The following DUT variants were observed in gnomAD, a reference collection of about 807,000 sequenced individuals.
DUT encodes deoxyuridine triphosphatase.
A neutral mutation model predicts 28.8 loss-of-function variants in DUT; 21 were observed. That is an observed-to-expected ratio of 0.73 (90% CI 0.52 to 1.05). The LOEUF (loss-of-function observed/expected upper bound fraction) is 1.05. Among genes scored for constraint, DUT ranks in the 50% least tolerant of loss-of-function variants. The pLI is 0.00. For synonymous variants in DUT, 147 were observed against 143.7 expected, an observed-to-expected ratio of 1.02 and a Z score of -0.17; for missense variants, 344 against 351.8, an observed-to-expected ratio of 0.98 and a Z score of 0.18.
intron 4 of DUT, among the ~76,000 whole-genome samples, chr15:48,339,325 T>C (rs1219596343): frequency 6.6e-6 from 1 of 152,180 alleles, no homozygotes; most frequent in Non-Finnish European, 1.5e-5. Flanking sequence ...GTTTTAGTTA[T>C]TTAAAAATTT....
At position 48,331,669 on chromosome 15, in the gene DUT, G is replaced by T. The variant is rs2042411611; in HGVS notation, c.154G>T (p.Gly52Trp). The T allele has an allele frequency of 1.3e-6, 2 of 1,534,750 alleles. No individual in the cohort carries two copies. Among genetic ancestry groups the T allele is most frequent in the Non-Finnish European group, 1.8e-6 (2 of 1,140,626 alleles). Residue 52 changes from glycine to tryptophan, a missense_variant, in exon 1 of 7, where the codon GGG (glycine) becomes TGG (tryptophan). Physicochemically the swap from Gly to Trp is radical, Grantham distance 184. Coordinates refer to ENST00000331200, the MANE Select transcript of DUT (RefSeq NM_001025248.2). ...GPPLGRAAQH[G>W]IPRPLSSAGR... ...GCCCCTCGGCCGCGCCGCGCAGCAC[G>T]GGATTCCCCGGCCGCTGTCCAGCGC...
At chr15:48,339,196 A>C (rs993434932) in intron 4 of DUT, among the ~76,000 whole-genome samples, 2 of 152,222 alleles carry the variant, frequency 1.3e-5, no homozygotes, top group Non-Finnish European at 2.9e-5. Flanking sequence ...TACATATATT[A>C]ATCTCAAAGG....
Position 48,331,798 on chromosome 15 carries a change from A to T in DUT, c.280+3A>T. On this transcript the variant is annotated splice_donor_region_variant and intron_variant, in intron 1 of 6. Transcript: ENST00000331200. ...GGGAAGCCCGGCGCCGGGGCCGGGT[A>T]GGAAAGGCGGGGGAGGGGCTCCGGC... 7.4e-7 allele frequency: 1 copy of T among 1,343,514 alleles called. No individual in the cohort carries two copies. The highest frequency in any genetic ancestry group is 9.5e-7 in the Non-Finnish European group (1 of 1,051,390). 83.2% of individuals were successfully genotyped at this position (1,343,514 alleles called of 1,614,324 possible).
chr15:48,339,544 T>G (rs1484219232), intron 4 of DUT, among the ~76,000 whole-genome samples: 2 of 152,116 alleles, frequency 1.3e-5, no homozygotes, highest in African/African-American at 4.8e-5. Context: ...CAGTCAAAAT[T>G]TTTTCCATAT....
chr15:48,335,517 C>T (rs991773068), intron 3 of DUT, among the ~76,000 whole-genome samples: 1 of 152,070 alleles, frequency 6.6e-6, no homozygotes, highest in African/African-American at 2.4e-5. Context: ...ATAGTGGGGT[C>T]CCAAGTTGTA....
chr15:48,332,424 G>T lies in DUT; in HGVS notation c.419+18G>T. ...CTGTACAGGTGAGCGGGGACCTGCCGGCGAGGAGGCTGGGAAGGGCCGGCC... is the reference window on the plus strand; with the variant it reads ...CTGTACAGGTGAGCGGGGACCTGCCTGCGAGGAGGCTGGGAAGGGCCGGCC... On this transcript the variant is annotated intron_variant, in intron 2 of 6. Transcript: ENST00000331200. 1 of 1,523,658 alleles carries T rather than the reference G, an allele frequency of 6.6e-7. No homozygotes were observed. Among genetic ancestry groups the T allele is most frequent in the South Asian group, 1.2e-5 (1 of 80,446 alleles). The allele number at this position is 1,523,658 out of a possible 1,614,324, so 94.4% of individuals were successfully genotyped here.
chr15:48,331,144 G>A (rs28381094), upstream of DUT: 15,027 of 1,502,930 alleles, frequency 1.0e-2, 288 homozygotes, highest in Admixed American at 0.069. Context: ...TTAGGGCGCC[G>A]CTAAACTCAG....
intron 6 of DUT, 59 bp downstream of exon 6, chr15:48,341,644 T>C: frequency 7.4e-7 from 1 of 1,359,966 alleles, no homozygotes; most frequent in Admixed American, 1.9e-5. Context: ...TGAAGAAATA[T>C]ATATAATCTT....
chr15:48,331,450 T>G lies in DUT; in HGVS notation c.-66T>G, dbSNP rs1325943482. The G allele has an allele frequency of 5.0e-6, 8 of 1,592,918 alleles. No homozygotes were observed. Among genetic ancestry groups the G allele is most frequent in the Non-Finnish European group, 6.8e-6 (8 of 1,170,928 alleles). On this transcript the variant is annotated 5_prime_UTR_variant, in exon 1 of 7. Coordinates refer to ENST00000331200, the MANE Select transcript of DUT (RefSeq NM_001025248.2). ...TCATGTTCCCAGGACGGGCGCGTCT[T>G]CAGGGTGGAAGCCTGGCGCACGTCC...
intron 4 of DUT, among the ~76,000 whole-genome samples, chr15:48,336,862 G>A (rs1208321974): frequency 1.3e-5 from 2 of 152,160 alleles, no homozygotes; most frequent in Admixed American, 1.3e-4. Flanking sequence ...AGGAAAACTG[G>A]CTTAGAAATG....
In DUT at chr15:48,331,755, C is replaced by A. The variant is rs1294697733; in HGVS notation, c.240C>A (p.Gly80=). 3 of 1,415,096 alleles carry A rather than the reference C, an allele frequency of 2.1e-6. No individual in the cohort carries two copies. The highest frequency in any genetic ancestry group is 3.0e-5 in the Admixed American group (1 of 33,026). The allele number at this position is 1,415,096 out of a possible 1,614,324, so 87.7% of individuals were successfully genotyped here. A position where few individuals can be genotyped will look rare whatever the true frequency, so the allele number is the denominator to read the frequency against. ...ASTVGAAGWK[G]ELPKAGGSPA... ...CAGTCGGGGCCGCTGGCTGGAAGGG[C>A]GAGCTTCCTAAGGCGGGGGGAAGCC... The change falls in exon 1 of 7, where the codon GGC becomes GGA. Residue 80 remains glycine (G), a synonymous_variant. Coordinates refer to ENST00000331200, the MANE Select transcript of DUT (RefSeq NM_001025248.2).
rs962624689 is a variant in DUT at position 48,342,970 on chromosome 15, T to A, written c.*892T>A. 6.6e-6 allele frequency: 1 copy of A among 152,272 alleles called. No homozygotes were observed. Among genetic ancestry groups the A allele is most frequent in the African/African-American group, 2.4e-5 (1 of 41,466 alleles). 9.4% of individuals were successfully genotyped at this position (152,272 alleles called of 1,614,324 possible). A position where few individuals can be genotyped will look rare whatever the true frequency, so the allele number is the denominator to read the frequency against. On this transcript the variant is annotated 3_prime_UTR_variant, in exon 7 of 7. Coordinates refer to ENST00000331200, the MANE Select transcript of DUT (RefSeq NM_001025248.2). ...ATGGGACTGATTCTGTGGCTTACCT[T>A]GATTAACATCTTTTGGAAGTTTTGC... is the stretch of plus-strand genomic sequence containing the variant.
Position 48,332,304 on chromosome 15 carries a change from C to T in DUT, c.317C>T (p.Pro106Leu). The T allele has an allele frequency of 1.2e-6, 2 of 1,609,230 alleles. No individual in the cohort carries two copies. The highest frequency in any genetic ancestry group is 8.5e-7 in the Non-Finnish European group (1 of 1,178,538). The change falls in exon 2 of 7, where the codon CCT becomes CTT. Residue 106 changes from proline (P) to leucine (L), a missense_variant. Coordinates refer to ENST00000331200, the MANE Select transcript of DUT (RefSeq NM_001025248.2). ...PAISPSKRAR[P>L]AEVGGMQLRF... ...ATTTCACCCAGTAAGCGGGCCCGGC[C>T]TGCGGAGGTGGGCGGCATGCAGCTC...
chr15:48,332,356 C>T lies in DUT; in HGVS notation c.369C>T (p.Ala123=). ...QLRFARLSEH[A]TAPTRGSARA... Reference sequence around the variant, plus strand: ...GCTTTGCCCGGCTCTCCGAGCACGCCACGGCCCCCACCCGGGGCTCCGCGC... The same window carrying T: ...GCTTTGCCCGGCTCTCCGAGCACGCTACGGCCCCCACCCGGGGCTCCGCGC... Residue 123 remains alanine (A), a synonymous_variant, in exon 2 of 7, where the codon GCC becomes GCT. Transcript: ENST00000331200. 6.2e-7 allele frequency: 1 copy of T among 1,602,046 alleles called. No homozygotes were observed. Among genetic ancestry groups the T allele is most frequent in the South Asian group, 1.1e-5 (1 of 89,998 alleles).
In DUT at chr15:48,331,825, G is replaced by A. The variant is rs532033305; in HGVS notation, c.280+30G>A. 130 of 1,329,376 alleles carry A rather than the reference G, an allele frequency of 9.8e-5. No individual in the cohort carries two copies. The East Asian group carries it at 3.9e-3, about 40-fold the overall frequency. The allele number at this position is 1,329,376 out of a possible 1,614,324, so 82.3% of individuals were successfully genotyped here. ...GAAAGGCGGGGGAGGGGCTCCGGCC[G>A]TCTGGAAGGAATCCACGCGGCTTGA... On this transcript the variant is annotated intron_variant, in intron 1 of 6. Transcript: ENST00000331200.
In DUT at chr15:48,342,122, T is replaced by TAAAAA; in HGVS notation, c.*55_*59dup. ...AAAACAAGAAGTCATACCTTTTTCT[T>TAAAAA]AAAAAAAAAAAAAAAGTTTTTGCTT... is the stretch of plus-strand genomic sequence containing the variant. On this transcript the variant is annotated 3_prime_UTR_variant, in exon 7 of 7. Coordinates refer to ENST00000331200, the MANE Select transcript of DUT (RefSeq NM_001025248.2). 1 of 1,109,486 alleles carries TAAAAA rather than the reference T, an allele frequency of 9.0e-7. No homozygotes were observed. The highest frequency in any genetic ancestry group is 1.2e-6 in the Non-Finnish European group (1 of 819,660). 68.7% of individuals were successfully genotyped at this position (1,109,486 alleles called of 1,614,324 possible).
intron 4 of DUT, chr15:48,340,316 A>C (rs927302639): frequency 1.3e-5 from 2 of 152,054 alleles, no homozygotes; most frequent in African/African-American, 4.8e-5. Flanking sequence ...CTAATAAGGT[A>C]GGGGATTTTT....
At chr15:48,335,396 G>C (rs779391630) in intron 3 of DUT, among the ~76,000 whole-genome samples, 1 of 152,026 alleles carries the variant, frequency 6.6e-6, no homozygotes, top group Non-Finnish European at 1.5e-5. Flanking sequence ...TACTAGCATT[G>C]AATCATTGAG....
intron 2 of DUT, 48 bp from the exon 3 acceptor site, chr15:48,334,369 C>A: frequency 7.7e-7 from 1 of 1,299,900 alleles, no homozygotes; most frequent in Non-Finnish European, 1.1e-6. Context: ...AATATAAAAA[C>A]AATTTTATAA....
Sources: gnomAD v4.1 joint callset for allele counts (sites outside exome capture counted in the v4.1 genomes callset) on GRCh38, gnomAD v4.1.1 for gene constraint, MANE v1.5 for transcripts, NCBI Gene and HGNC (gene_info 2026-07-23, HGNC 2026-07-21) for gene names.